The following TMTC1 variants were observed in gnomAD, a reference collection of about 807,000 sequenced individuals.
TMTC1 encodes protein O-mannosyl-transferase TMTC1.
In TMTC1, 73 loss-of-function variants were observed where a neutral mutation model predicts 104.8. The ratio of observed to expected loss-of-function variants is 0.70; its 90% CI spans 0.58 to 0.85. The LOEUF (loss-of-function observed/expected upper bound fraction) is 0.85. TMTC1 is among the 40% of genes least tolerant of loss of function. The pLI, the probability that TMTC1 is intolerant of heterozygous loss-of-function variation, is 0.00. For missense variants in TMTC1, 1,035 were observed against 1,096.1 expected (o/e 0.94, Z 0.79); for synonymous variants, 434 against 428.7 (o/e 1.01, Z -0.15).
At chr12:29,766,470 G>A (rs931838592) in intron 2 of TMTC1, among the ~76,000 whole-genome samples, 10 of 152,182 alleles carry the variant, frequency 6.6e-5, no homozygotes, top group Non-Finnish European at 8.8e-5. Context: ...ATAGAGATAC[G>A]TGTTAGACAG....
At chr12:29,530,380 T>C (rs1463053014) in intron 11 of TMTC1, among the ~76,000 whole-genome samples, 2 of 152,178 alleles carry the variant, frequency 1.3e-5, no homozygotes, top group Non-Finnish European at 2.9e-5. Context: ...CAGAGCTCCC[T>C]TCCCCTTTTA....
At chr12:29,533,879 T>C (rs1670089066) in intron 11 of TMTC1, 2 of 152,184 alleles carry the variant, frequency 1.3e-5, no homozygotes, top group African/African-American at 4.8e-5. Context: ...TCATCCAGCT[T>C]CTGAAAAACT....
chr12:29,529,514 T>G (rs1944440406), intron 11 of TMTC1, among the ~76,000 whole-genome samples: 1 of 152,230 alleles, frequency 6.6e-6, no homozygotes, highest in South Asian at 2.1e-4. Context: ...ATTGTAATAT[T>G]GTAATAGTAA....
At chr12:29,708,220 G>A (rs144445629) in intron 5 of TMTC1, among the ~76,000 whole-genome samples, 10 of 152,282 alleles carry the variant, frequency 6.6e-5, no homozygotes, top group African/African-American at 2.4e-4. Flanking sequence ...AATATATAAT[G>A]AGGTGCTCTG....
chr12:29,773,012 G>T (rs951733922), intron 1 of TMTC1, among the ~76,000 whole-genome samples: 4 of 152,092 alleles, frequency 2.6e-5, no homozygotes, highest in Admixed American at 2.6e-4. Context: ...ATTTGGTGTA[G>T]CCTTCATTCT....
chr12:29,753,320 C>A (rs1194994244), intron 4 of TMTC1, among the ~76,000 whole-genome samples: 2 of 152,188 alleles, frequency 1.3e-5, no homozygotes, highest in African/African-American at 4.8e-5. Flanking sequence ...ATACTCAGAA[C>A]CTTTGAGCTG....
chr12:29,616,890 A>G (rs866726416), intron 6 of TMTC1, among the ~76,000 whole-genome samples: 65 of 152,166 alleles, frequency 4.3e-4, no homozygotes, highest in African/African-American at 1.4e-3. Context: ...TAACATTCTC[A>G]TGGGTGGGGT....
At chr12:29,751,385 G>A (rs537881667) in intron 5 of TMTC1, among the ~76,000 whole-genome samples, 3 of 152,226 alleles carry the variant, frequency 2.0e-5, no homozygotes, top group East Asian at 1.9e-4. Context: ...AACGTAGGGC[G>A]CCCATCTTCT....
chr12:29,643,913 A>G (rs1239869001), intron 5 of TMTC1, among the ~76,000 whole-genome samples: 61 of 109,236 alleles, frequency 5.6e-4, no homozygotes, highest in African/African-American at 2.2e-3. Context: ...AAAATTATAT[A>G]TAAATATATA....
chr12:29,555,134 C>CCT (rs376904425), intron 10 of TMTC1, among the ~76,000 whole-genome samples: 1 of 88,210 alleles, frequency 1.1e-5, no homozygotes, highest in Non-Finnish European at 2.0e-5. Flanking sequence ...TTCCAACATC[C>CCT]TTTTTTTTTT....
intron 5 of TMTC1, among the ~76,000 whole-genome samples, chr12:29,705,891 T>C (rs1410568980): frequency 6.6e-6 from 1 of 152,124 alleles, no homozygotes; most frequent in Non-Finnish European, 1.5e-5. Context: ...TATCATGTGC[T>C]CTACTGCTTA....
chr12:29,769,833 T>C (rs1045781493), intron 1 of TMTC1, among the ~76,000 whole-genome samples: 4 of 152,174 alleles, frequency 2.6e-5, no homozygotes, highest in African/African-American at 9.7e-5. Flanking sequence ...CTTTAAAAGG[T>C]ATGCACTTTT....
chr12:29,736,873 A>G (rs901344585), intron 5 of TMTC1, among the ~76,000 whole-genome samples: 2 of 152,218 alleles, frequency 1.3e-5, no homozygotes, highest in African/African-American at 2.4e-5. Flanking sequence ...TTAACCAGAT[A>G]CACACATAAC....
chr12:29,764,205 G>A (rs1247615167), intron 2 of TMTC1, among the ~76,000 whole-genome samples: 1 of 152,186 alleles, frequency 6.6e-6, no homozygotes, highest in East Asian at 1.9e-4. Flanking sequence ...TTCAAATAAT[G>A]TAACAGCAGA....
Position 29,514,580 on chromosome 12 carries a change from G to C in TMTC1, c.2332C>G (p.Leu778Val). 1 of 1,613,992 alleles carries C rather than the reference G, an allele frequency of 6.2e-7. No individual in the cohort carries two copies. Among genetic ancestry groups the C allele is most frequent in the Non-Finnish European group, 8.5e-7 (1 of 1,179,976 alleles). Residue 778 changes from leucine (L) to valine (V), a missense_variant, in exon 16 of 18, where the codon CTC becomes GTC. By Grantham distance (32) the Leu-to-Val change is conservative. Coordinates refer to ENST00000539277, the MANE Select transcript of TMTC1 (RefSeq NM_001193451.2). Reference sequence around the variant, plus strand: ...TTTGGGTCCTTTGGTTTCAGCTGGAGAGCCTTGTCTATAGCATCAAGTGCC... The same window carrying C: ...TTTGGGTCCTTTGGTTTCAGCTGGACAGCCTTGTCTATAGCATCAAGTGCC... The part of the protein sequence containing the change: ...DKALDAIDKA[L>V]QLKPKDPKVI...
chr12:29,579,491 A>G (rs1431653980), intron 8 of TMTC1, among the ~76,000 whole-genome samples: 2 of 152,070 alleles, frequency 1.3e-5, no homozygotes, highest in African/African-American at 4.8e-5. Flanking sequence ...TGTTTTTCCT[A>G]CAGAGTAGGA....
intron 11 of TMTC1, among the ~76,000 whole-genome samples, chr12:29,522,554 ATGTGTGTGTG>A (rs4034168): frequency 4.0e-5 from 6 of 148,714 alleles, no homozygotes; most frequent in Non-Finnish European, 7.5e-5. Context: ...AGGACTGACA[ATGTGTGTGTG>A]TGTGTGTGTG....
At chr12:29,784,756 A>G (rs947503584), upstream of TMTC1, 22 of 141,506 alleles carry the variant, frequency 1.6e-4, no homozygotes, top group African/African-American at 5.6e-4. Context: ...TACTTTTTCT[A>G]TCTAGCTGGA....
In TMTC1 at chr12:29,699,638, T is replaced by C. The variant is rs1270273223; in HGVS notation, c.938+52028A>G. Among the ~76,000 whole-genome samples the C allele has an allele frequency of 2.0e-5, 3 of 150,360 alleles. No individual in the cohort carries two copies. In the East Asian group the frequency reaches 5.9e-4, roughly 29 times the overall value. ...ATTTGGCACAAAATACATCCAGTTC[T>C]TCATCTGGTGCTTTTTTTTTTTTTT... On this transcript the variant is annotated intron_variant, in intron 5 of 17. Coordinates refer to ENST00000539277, the MANE Select transcript of TMTC1 (RefSeq NM_001193451.2).
Sources: allele counts gnomAD v4.1 joint callset (sites outside exome capture counted in the v4.1 genomes callset), GRCh38; gene constraint gnomAD v4.1.1; transcripts MANE v1.5; gene names NCBI Gene and HGNC (gene_info 2026-07-23, HGNC 2026-07-21).